Variants in TYW1 observed in about 807,000 individuals in gnomAD.
TYW1 encodes tRNA-yW synthesizing protein 1 homolog.
A neutral mutation model predicts 96.2 loss-of-function variants in TYW1; 46 were observed. That is an observed-to-expected ratio of 0.48 (90% CI 0.38 to 0.61). The LOEUF (loss-of-function observed/expected upper bound fraction) is 0.61. Ranked by LOEUF, TYW1 falls within the 20% of genes least tolerant of loss-of-function variation. The pLI is 0.00. For synonymous variants in TYW1, 274 were observed against 323.0 expected, an observed-to-expected ratio of 0.85 and a Z score of 1.63; for missense variants, 684 against 909.6, an observed-to-expected ratio of 0.75 and a Z score of 3.19.
At chr7:67,020,274 T>C (rs1456138656) in intron 6 of TYW1, among the ~76,000 whole-genome samples, 1 of 152,256 alleles carries the variant, frequency 6.6e-6, no homozygotes, top group Non-Finnish European at 1.5e-5. Context: ...TCCCTGCTAC[T>C]CAGGAGGCCG....
chr7:67,133,573 C>CT (rs2116068040), intron 13 of TYW1, among the ~76,000 whole-genome samples: 1 of 144,866 alleles, frequency 6.9e-6, no homozygotes, highest in East Asian at 2.0e-4. Context: ...TGATGTGCGC[C>CT]TGTTGTCCCA....
At chr7:67,116,100 T>C (rs934606804) in intron 12 of TYW1, among the ~76,000 whole-genome samples, 3 of 152,002 alleles carry the variant, frequency 2.0e-5, no homozygotes, top group Admixed American at 1.3e-4. Flanking sequence ...CCAAGGTGTG[T>C]GGATCACCTG....
In TYW1 at chr7:67,017,963, C is replaced by A; in HGVS notation, c.681C>A (p.Ala227=). 2.5e-6 allele frequency: 4 copies of A among 1,614,008 alleles called. No individual in the cohort carries two copies. The highest frequency in any genetic ancestry group is 3.4e-6 in the Non-Finnish European group (4 of 1,180,026). The part of the protein sequence containing the change: ...VVKSKHGSIE[A]DFRAWKTKFI... ...AAAGCAAGCACGGCAGCATTGAGGC[C>A]GACTTCAGAGCATGGAAGACCAAGT... The change falls in exon 6 of 16, where the codon GCC becomes GCA. Residue 227 remains alanine, a synonymous_variant. Coordinates refer to ENST00000359626, the MANE Select transcript of TYW1 (RefSeq NM_018264.4).
At chr7:67,019,815 G>A (rs1794178655) in intron 6 of TYW1, among the ~76,000 whole-genome samples, 1 of 152,300 alleles carries the variant, frequency 6.6e-6, no homozygotes, top group African/African-American at 2.4e-5. Context: ...TTGCTTTATA[G>A]CGATAATATT....
intron 7 of TYW1, among the ~76,000 whole-genome samples, chr7:67,039,939 G>A (rs562619960): frequency 2.7e-5 from 4 of 148,542 alleles, no homozygotes; most frequent in African/African-American, 7.5e-5. Context: ...GGGATTACAA[G>A]CATGAGCCAC....
chr7:67,090,869 A>C (rs1796693760), intron 11 of TYW1, among the ~76,000 whole-genome samples: 1 of 152,202 alleles, frequency 6.6e-6, no homozygotes, highest in South Asian at 2.1e-4. Context: ...GTAAGATACC[A>C]TCTCATACCA....
At chr7:67,059,435 A>C (rs1404066586) in intron 9 of TYW1, among the ~76,000 whole-genome samples, 1 of 151,488 alleles carries the variant, frequency 6.6e-6, no homozygotes, top group Non-Finnish European at 1.5e-5. Flanking sequence ...AAAATTGAGG[A>C]GGATTATGTA....
rs1279805634 is a variant in TYW1 at position 67,180,402 on chromosome 7, ATATT to A, written c.1699-2720_1699-2717del. ...GCTGTTGGTTTATATATATATATAT[ATATT>A]TATATATATATATATATAATTTTTT... On this transcript the variant is annotated intron_variant, in intron 13 of 15. Coordinates refer to ENST00000359626, the MANE Select transcript of TYW1 (RefSeq NM_018264.4). Among the ~76,000 whole-genome samples, 113 of 108,642 alleles carry A rather than the reference ATATT, an allele frequency of 1.0e-3. 1 individual carries two copies. The highest frequency in any genetic ancestry group is 4.4e-3 in the Middle Eastern group (1 of 226). The allele number at this position is 108,642 out of a possible 152,430, so 71.3% of individuals were successfully genotyped here. A position where few individuals can be genotyped will look rare whatever the true frequency, so the allele number is the denominator to read the frequency against.
At chr7:67,101,923 G>A (rs1222161507) in intron 12 of TYW1, among the ~76,000 whole-genome samples, 2 of 152,182 alleles carry the variant, frequency 1.3e-5, no homozygotes, top group Admixed American at 6.5e-5. Context: ...GTATAAAAAG[G>A]TGAAGTTAAA....
chr7:67,177,061 G>A (rs1158383492), intron 13 of TYW1, among the ~76,000 whole-genome samples: 2 of 152,172 alleles, frequency 1.3e-5, no homozygotes, highest in Non-Finnish European at 2.9e-5. Flanking sequence ...GTGATATTGA[G>A]ACAATGAGAA....
In TYW1 at chr7:67,018,059, C is replaced by T. The variant is rs1217830985; in HGVS notation, c.777C>T (p.Gly259=). The change falls in exon 6 of 16, where the codon GGC becomes GGT. Residue 259 remains glycine (G), a synonymous_variant. Transcript: ENST00000359626. ...KKSCGGHCKK[G]KCESHQHGSE... ...CCTGTGGCGGCCACTGCAAGAAAGG[C>T]AAATGTGAATCTCACCAACATGGCT... 1 of 1,614,060 alleles carries T rather than the reference C, an allele frequency of 6.2e-7. No individual in the cohort carries two copies. Among genetic ancestry groups the T allele is most frequent in the Non-Finnish European group, 8.5e-7 (1 of 1,180,016 alleles).
intron 14 of TYW1, among the ~76,000 whole-genome samples, chr7:67,185,455 C>T (rs1476721751): frequency 1.3e-5 from 2 of 151,988 alleles, no homozygotes; most frequent in Non-Finnish European, 2.9e-5. Context: ...ATTTAGGATT[C>T]CTTTTGGAAG....
intron 13 of TYW1, among the ~76,000 whole-genome samples, chr7:67,148,035 G>A (rs1425756257): frequency 2.0e-5 from 3 of 151,816 alleles, no homozygotes; most frequent in East Asian, 3.9e-4. Flanking sequence ...GGAGATGGAC[G>A]GCAGATTGTC....
chr7:67,081,289 T>C (rs1457629351), intron 10 of TYW1, among the ~76,000 whole-genome samples: 1 of 150,732 alleles, frequency 6.6e-6, no homozygotes, highest in East Asian at 1.9e-4. Context: ...GTGAGGTTTC[T>C]GCTGAGAAAT....
At chr7:67,036,665 A>G (rs1794852566) in intron 7 of TYW1, among the ~76,000 whole-genome samples, 1 of 152,234 alleles carries the variant, frequency 6.6e-6, no homozygotes, top group African/African-American at 2.4e-5. Flanking sequence ...TGCTGGAACA[A>G]GAGGTATTGC....
intron 13 of TYW1, among the ~76,000 whole-genome samples, chr7:67,181,549 G>A (rs973314780): frequency 2.6e-5 from 4 of 151,992 alleles, no homozygotes; most frequent in African/African-American, 9.7e-5. Flanking sequence ...ATTAATGTTG[G>A]AAGTTTTCAA....
intron 7 of TYW1, among the ~76,000 whole-genome samples, chr7:67,031,631 AAAAAC>A (rs1229224653): frequency 2.8e-5 from 2 of 71,046 alleles, no homozygotes; most frequent in South Asian, 1.1e-3. Context: ...ATTCCTTCTC[AAAAAC>A]AAAACAAAAC....
intron 15 of TYW1, among the ~76,000 whole-genome samples, chr7:67,209,624 G>A (rs1800931707): frequency 6.6e-6 from 1 of 152,044 alleles, no homozygotes; most frequent in Non-Finnish European, 1.5e-5. Flanking sequence ...CCAGATTGGA[G>A]TGCAGTGGCG....
rs1016846845 is a variant in TYW1, at chr7:67,237,166, G to A, written c.1978-1142G>A. On this transcript the variant is annotated intron_variant, in intron 15 of 15. Coordinates refer to ENST00000359626, the MANE Select transcript of TYW1 (RefSeq NM_018264.4). ...CTTTGAAAGCGCTGGGATGACAGGC[G>A]TGAGCCACCGTGCCTGGCCATTAGT... Among the ~76,000 whole-genome samples the A allele has an allele frequency of 2.6e-5, 4 of 152,336 alleles. No individual in the cohort carries two copies. In the East Asian group the frequency reaches 5.8e-4, roughly 22 times the overall value.
Sources: gnomAD v4.1 joint callset for allele counts (sites outside exome capture counted in the v4.1 genomes callset) on GRCh38, gnomAD v4.1.1 for gene constraint, MANE v1.5 for transcripts, NCBI Gene and HGNC (gene_info 2026-07-23, HGNC 2026-07-21) for gene names.